The following SCAF8 variants were observed in gnomAD, a reference collection of about 807,000 sequenced individuals.
SCAF8 encodes SR-related and CTD-associated factor 8.
A neutral mutation model predicts 140.5 loss-of-function variants in SCAF8; 23 were observed. The ratio of observed to expected loss-of-function variants is 0.16; its 90% CI spans 0.12 to 0.23. The LOEUF is 0.23. Ranked by LOEUF, SCAF8 falls within the 10% of genes least tolerant of loss-of-function variation. SCAF8 has a pLI of 1.00. For missense variants in SCAF8, 1,397 were observed against 1,555.7 expected (o/e 0.90, Z 1.72); for synonymous variants, 575 against 528.9 (o/e 1.09, Z -1.20).
chr6:154,787,822 T>G, intron 3 of SCAF8, 39 bp from the exon 4 acceptor site: 1 of 1,557,320 alleles, frequency 6.4e-7, no homozygotes, highest in Non-Finnish European at 8.8e-7. Flanking sequence ...ATTTTACCTT[T>G]CCGTTTCCTT....
At chr6:154,766,361 C>T (rs374028290) in intron 1 of SCAF8, among the ~76,000 whole-genome samples, 2 of 152,250 alleles carry the variant, frequency 1.3e-5, no homozygotes, top group East Asian at 3.9e-4. Context: ...GTTTCTATAC[C>T]ATGGCACCAA....
intron 17 of SCAF8, 39 bp downstream of exon 17, chr6:154,824,417 AT>A: frequency 6.5e-7 from 1 of 1,549,160 alleles, no homozygotes; most frequent in Non-Finnish European, 8.9e-7. Flanking sequence ...CTCTATTTAG[AT>A]TATCATTTAA....
chr6:154,819,978 G>C (rs112484858), intron 14 of SCAF8, among the ~76,000 whole-genome samples, 199 bp from the exon 15 acceptor site: 1 of 152,176 alleles, frequency 6.6e-6, no homozygotes, highest in African/African-American at 2.4e-5. Flanking sequence ...GACTGAGTGA[G>C]ACCCTGTCTC....
chr6:154,774,676 C>T (rs545576333), intron 2 of SCAF8, among the ~76,000 whole-genome samples: 4 of 151,976 alleles, frequency 2.6e-5, no homozygotes, highest in Non-Finnish European at 5.9e-5. Flanking sequence ...AGTTGTGACT[C>T]ATTGTATCAG....
chr6:154,764,667 A>G (rs1776511790), intron 1 of SCAF8, among the ~76,000 whole-genome samples: 1 of 152,150 alleles, frequency 6.6e-6, no homozygotes, highest in African/African-American at 2.4e-5. Flanking sequence ...TAAGATGGAA[A>G]CCTGTAGAGA....
chr6:154,780,675 A>G (rs1777059881), intron 3 of SCAF8, among the ~76,000 whole-genome samples: 1 of 152,104 alleles, frequency 6.6e-6, no homozygotes, highest in Admixed American at 6.6e-5. Context: ...TTCCAGCTTC[A>G]TCCATGTCAC....
intron 1 of SCAF8, among the ~76,000 whole-genome samples, chr6:154,736,116 C>A (rs899733224): frequency 6.6e-6 from 1 of 152,006 alleles, no homozygotes; most frequent in Non-Finnish European, 1.5e-5. Flanking sequence ...TGAGCCACCA[C>A]GCCTGGGGGA....
At chr6:154,819,341 C>T (rs1019743958) in intron 14 of SCAF8, among the ~76,000 whole-genome samples, 1 of 152,120 alleles carries the variant, frequency 6.6e-6, no homozygotes, top group Non-Finnish European at 1.5e-5. Context: ...AGTCCCAGCA[C>T]TTTGGGAGGC....
At chr6:154,828,476 T>C (rs980499259) in intron 18 of SCAF8, among the ~76,000 whole-genome samples, 2 of 152,134 alleles carry the variant, frequency 1.3e-5, no homozygotes, top group African/African-American at 4.8e-5. Flanking sequence ...TCAGTTTCTT[T>C]AGTATTTATG....
At chr6:154,800,650 GT>G (rs59052163) in intron 6 of SCAF8, among the ~76,000 whole-genome samples, 7,802 of 151,130 alleles carry the variant, frequency 0.052, 612 homozygotes, top group African/African-American at 0.16. Context: ...GGAAAGGAGG[GT>G]AATGATTATG....
At position 154,815,304 on chromosome 6, in the gene SCAF8, T is replaced by A. The variant is rs9478587; in HGVS notation, c.1421-412T>A. Among the ~76,000 whole-genome samples the A allele has an allele frequency of 8.1e-3, 1,229 of 152,074 alleles. 12 individuals carry two copies. The highest frequency in any genetic ancestry group is 0.028 in the African/African-American group (1,175 of 41,486). On this transcript the variant is annotated intron_variant, in intron 12 of 19. Coordinates refer to ENST00000367178, the MANE Select transcript of SCAF8 (RefSeq NM_014892.5). ...AGAGTGAGACTCCGTCTCAAAAAAA[T>A]AAATAAATAAATAAAAGGTTCACAA... is the stretch of plus-strand genomic sequence containing the variant.
chr6:154,739,088 T>G (rs1416256938), intron 1 of SCAF8, among the ~76,000 whole-genome samples: 1 of 152,162 alleles, frequency 6.6e-6, no homozygotes, highest in Non-Finnish European at 1.5e-5. Context: ...TGGGCTCAAG[T>G]GATCTTCCTG....
intron 3 of SCAF8, among the ~76,000 whole-genome samples, chr6:154,783,380 T>TA (rs1777141384): frequency 6.6e-6 from 1 of 152,238 alleles, no homozygotes; most frequent in Non-Finnish European, 1.5e-5. Context: ...TACTCTTAGA[T>TA]ACGGTGAGGT....
chr6:154,766,069 A>T (rs1388875472), intron 1 of SCAF8, among the ~76,000 whole-genome samples: 2 of 144,262 alleles, frequency 1.4e-5, no homozygotes, highest in Admixed American at 1.5e-4. Context: ...TCTTAAAGTA[A>T]GAGAAAAGAA....
At chr6:154,780,880 A>G (rs1375244050) in intron 3 of SCAF8, among the ~76,000 whole-genome samples, 3 of 152,102 alleles carry the variant, frequency 2.0e-5, no homozygotes, top group East Asian at 1.9e-4. Flanking sequence ...TCCTTTGGGT[A>G]TATACCCAGT....
At position 154,794,796 on chromosome 6, in the gene SCAF8, T is replaced by G. The variant is rs1777548391; in HGVS notation, c.476-213T>G. ...GGTGTGGGGGGTGTGTGTGTGTGTGTGTGTGTGTGTGTGTGTGTGTGTGTG... is the reference window on the plus strand; with the variant it reads ...GGTGTGGGGGGTGTGTGTGTGTGTGGGTGTGTGTGTGTGTGTGTGTGTGTG... On this transcript the variant is annotated intron_variant, in intron 5 of 19. Coordinates refer to ENST00000367178, the MANE Select transcript of SCAF8 (RefSeq NM_014892.5). Among the ~76,000 whole-genome samples the G allele has an allele frequency of 7.9e-5, 5 of 63,270 alleles. 1 individual carries two copies. Among genetic ancestry groups the G allele is most frequent in the East Asian group, 2.0e-3 (1 of 490 alleles). The allele number at this position is 63,270 out of a possible 152,430, so 41.5% of individuals were successfully genotyped here.
chr6:154,833,172 A>G lies in SCAF8; in HGVS notation c.3593A>G (p.Tyr1198Cys). The G allele has an allele frequency of 1.2e-6, 2 of 1,614,098 alleles. No homozygotes were observed. Among genetic ancestry groups the G allele is most frequent in the Non-Finnish European group, 1.7e-6 (2 of 1,179,994 alleles). ...CCTCCTCATGCTCGGGTTTTTGATTATTTTGAAGGGGCCACTTCTCAACGA... is the reference window on the plus strand; with the variant it reads ...CCTCCTCATGCTCGGGTTTTTGATTGTTTTGAAGGGGCCACTTCTCAACGA... ...VPPPHARVFD[Y>C]FEGATSQRKG... The change falls in exon 20 of 20, where the codon TAT (tyrosine) becomes TGT (cysteine). Residue 1198 changes from tyrosine (Y) to cysteine (C), a missense_variant. Tyr to Cys is a radical substitution (Grantham distance 194). This residue lies in a region of SCAF8 where 930 missense variants were observed against 874.6 expected (regional missense o/e 1.06). Coordinates refer to ENST00000367178, the MANE Select transcript of SCAF8 (RefSeq NM_014892.5).
Position 154,747,311 on chromosome 6 carries a change from C to T in SCAF8, c.30+13381C>T, listed in dbSNP as rs190741955. Among the ~76,000 whole-genome samples the T allele has an allele frequency of 1.8e-4, 27 of 152,128 alleles. No homozygotes were observed. In the East Asian group the frequency reaches 5.2e-3, roughly 29 times the overall value. ...GGCTGATTGCTTGAGATCAGGAGTT[C>T]CAGACCAGCCTTGGCAATATTGTGA... On this transcript the variant is annotated intron_variant, in intron 1 of 19. Coordinates refer to ENST00000367178, the MANE Select transcript of SCAF8 (RefSeq NM_014892.5).
At chr6:154,755,503 G>A (rs112798546) in intron 1 of SCAF8, among the ~76,000 whole-genome samples, 2,375 of 151,950 alleles carry the variant, frequency 0.016, 56 homozygotes, top group African/African-American at 0.054. Flanking sequence ...CTCCCGCCTC[G>A]GCCTCCCAAA....
Sources: gnomAD v4.1 joint callset for allele counts (sites outside exome capture counted in the v4.1 genomes callset) on GRCh38, gnomAD v4.1.1 for gene constraint, gnomAD v4.1.1 regional missense constraint, MANE v1.5 for transcripts, NCBI Gene and HGNC (gene_info 2026-07-23, HGNC 2026-07-21) for gene names.